The following WNT2 variants were observed in gnomAD, a reference collection of about 807,000 sequenced individuals.
WNT2 encodes the protein Wnt family member 2, also known as protein Wnt-2.
WNT2 carries 12 observed loss-of-function variants against 36.9 expected under a neutral mutation model. The ratio of observed to expected loss-of-function variants is 0.33; its 90% CI spans 0.21 to 0.53. WNT2 has a LOEUF of 0.53. WNT2 is among the 20% of genes least tolerant of loss of function. The pLI, the probability that WNT2 is intolerant of heterozygous loss-of-function variation, is 0.95. For synonymous variants in WNT2, 163 were observed against 174.6 expected (o/e 0.93, Z 0.52); for missense variants, 379 against 473.1 (o/e 0.80, Z 1.84).
chr7:117,303,265 A>C (rs905100008), intron 3 of WNT2, among the ~76,000 whole-genome samples: 1 of 152,202 alleles, frequency 6.6e-6, no homozygotes, highest in African/African-American at 2.4e-5. Context: ...AGCGGTGAAG[A>C]ATTCCTGCGG....
chr7:117,312,820 T>G (rs1466338219), intron 3 of WNT2, among the ~76,000 whole-genome samples: 1 of 152,280 alleles, frequency 6.6e-6, no homozygotes, highest in East Asian at 1.9e-4. Flanking sequence ...ATAAATAAAT[T>G]GTTCAAATAT....
At chr7:117,310,635 A>AT (rs1324542764) in intron 3 of WNT2, among the ~76,000 whole-genome samples, 1 of 151,640 alleles carries the variant, frequency 6.6e-6, no homozygotes, top group East Asian at 1.9e-4. Flanking sequence ...TGGGACTCAA[A>AT]TTTCAAATTT....
chr7:117,285,449 CT>C (rs1270319823), intron 4 of WNT2, among the ~76,000 whole-genome samples: 1 of 152,184 alleles, frequency 6.6e-6, no homozygotes, highest in African/African-American at 2.4e-5. Context: ...CAATTTGTAT[CT>C]CATCAAGAAT....
In WNT2 at chr7:117,315,239, C is replaced by T. The variant is rs1183490407; in HGVS notation, c.420G>A (p.Lys140=). Residue 140 remains lysine, a synonymous_variant, in exon 3 of 5, where the codon AAG becomes AAA. Transcript: ENST00000265441. ...GEVKSCSCDP[K]KMGSAKDSKG... ...TGCTGTCCTTGGCGCTTCCCATCTTCTTTGGATCACAGGAACAGGATTTTA... is the reference window on the plus strand; with the variant it reads ...TGCTGTCCTTGGCGCTTCCCATCTTTTTTGGATCACAGGAACAGGATTTTA... 8 of 1,614,068 alleles carry T rather than the reference C, an allele frequency of 5.0e-6. No homozygotes were observed. The African/African-American group carries it at 1.1e-4, about 22-fold the overall frequency.
Position 117,297,628 on chromosome 7 carries a change from G to C in WNT2, c.837C>G (p.Ile279Met). ...VYFENSPDYC[I>M]RDREAGSLGT... is the part of the protein sequence containing the mutation. ...TGAACTTACCTGCCTCTCGGTCCCT[G>C]ATACAGTAGTCTGGAGAATTCTCAA... is the stretch of plus-strand genomic sequence containing the variant. The change falls in exon 4 of 5, where the codon ATC becomes ATG. Residue 279 changes from isoleucine (I) to methionine (M), a missense_variant. Transcript: ENST00000265441. The C allele has an allele frequency of 5.0e-6, 8 of 1,611,284 alleles. No individual in the cohort carries two copies. The highest frequency in any genetic ancestry group is 6.8e-6 in the Non-Finnish European group (8 of 1,177,550).
chr7:117,304,018 T>A (rs1401402136), intron 3 of WNT2, among the ~76,000 whole-genome samples: 1 of 152,238 alleles, frequency 6.6e-6, no homozygotes, highest in Admixed American at 6.5e-5. Flanking sequence ...ACACGCTGTA[T>A]CCTAGATGCC....
rs918968690 is a variant in WNT2 at position 117,284,215 on chromosome 7, G to A, written c.854-5831C>T. On this transcript the variant is annotated intron_variant, in intron 4 of 4. Transcript: ENST00000265441. This position sits in a 1 kb window ranked among gnomAD's most constrained non-coding sequence, Gnocchi z 5.2. ...CAGAGTGCAGAATCTATACAAAATC[G>A]CTGGCATTACTTTCCCCTTAATGAA... Among the ~76,000 whole-genome samples, 62 of 152,198 alleles carry A rather than the reference G, an allele frequency of 4.1e-4. No homozygotes were observed. Among genetic ancestry groups the A allele is most frequent in the African/African-American group, 1.4e-3 (57 of 41,538 alleles).
intron 2 of WNT2, among the ~76,000 whole-genome samples, chr7:117,320,009 A>T (rs969416486): frequency 2.0e-5 from 3 of 152,202 alleles, no homozygotes; most frequent in African/African-American, 7.2e-5. Flanking sequence ...AGAATTTACA[A>T]TCTGTTGGGA....
At chr7:117,305,982 A>C (rs1795007380) in intron 3 of WNT2, among the ~76,000 whole-genome samples, 1 of 152,268 alleles carries the variant, frequency 6.6e-6, no homozygotes, top group African/African-American at 2.4e-5. Flanking sequence ...CCCAATTTTC[A>C]GGCCTATGTT....
At position 117,315,127 on chromosome 7, in the gene WNT2, T is replaced by C. The variant is rs1340260783; in HGVS notation, c.532A>G (p.Lys178Glu). 6.2e-7 allele frequency: 1 copy of C among 1,614,222 alleles called. No homozygotes were observed. The highest frequency in any genetic ancestry group is 2.2e-5 in the East Asian group (1 of 44,886). ...ARAFVDAKER[K>E]GKDARALMNL... ...ATCAGGGCTCTGGCATCCTTTCCTT[T>C]CCTTTCCTTTGCATCCACAAATGCG... The change falls in exon 3 of 5, where the codon AAA becomes GAA. Residue 178 changes from lysine (K) to glutamate (E), a missense_variant. By Grantham distance (56) the Lys-to-Glu change is moderately conservative (BLOSUM62 1). Coordinates refer to ENST00000265441, the MANE Select transcript of WNT2 (RefSeq NM_003391.3).
chr7:117,296,758 T>A (rs139264889), intron 4 of WNT2, among the ~76,000 whole-genome samples: 2 of 152,246 alleles, frequency 1.3e-5, no homozygotes, highest in African/African-American at 4.8e-5. Flanking sequence ...CTGACAGAGC[T>A]GTTCTTTGAG....
At chr7:117,297,992 A>C in intron 3 of WNT2, 116 bp from the exon 4 acceptor site, 6 of 1,363,766 alleles carry the variant, frequency 4.4e-6, no homozygotes, top group Non-Finnish European at 5.9e-6. Context: ...TCCTGGGGCA[A>C]GTGACTGGGA....
At chr7:117,314,012 T>C (rs1172717246) in intron 3 of WNT2, among the ~76,000 whole-genome samples, 1 of 152,248 alleles carries the variant, frequency 6.6e-6, no homozygotes, top group African/African-American at 2.4e-5. Flanking sequence ...TCCATTCTTT[T>C]CTATTATTTT....
intron 3 of WNT2, among the ~76,000 whole-genome samples, chr7:117,311,373 T>C (rs948604753): frequency 6.6e-6 from 1 of 152,130 alleles, no homozygotes; most frequent in African/African-American, 2.4e-5. Context: ...AAAAGCAATA[T>C]GGAAATGTAG....
chr7:117,286,558 G>A (rs1794583523), intron 4 of WNT2, among the ~76,000 whole-genome samples: 1 of 152,040 alleles, frequency 6.6e-6, no homozygotes, highest in Non-Finnish European at 1.5e-5. Flanking sequence ...AGGCCCATAT[G>A]TTGACTATTA....
chr7:117,278,978 G>T (rs1039519983), intron 4 of WNT2, among the ~76,000 whole-genome samples: 1 of 152,156 alleles, frequency 6.6e-6, no homozygotes, highest in Non-Finnish European at 1.5e-5. Context: ...GCCCCACCAG[G>T]TTTATCATAT....
intron 3 of WNT2, among the ~76,000 whole-genome samples, chr7:117,308,246 T>C (rs1369501878): frequency 6.6e-6 from 1 of 152,180 alleles, no homozygotes; most frequent in African/African-American, 2.4e-5. Context: ...ACTTAAGACA[T>C]TGTGATTTCT....
At chr7:117,315,645 C>T (rs739517) in intron 2 of WNT2, among the ~76,000 whole-genome samples, 16,705 of 152,222 alleles carry the variant, frequency 0.11, 1,431 homozygotes, top group East Asian at 0.41. Flanking sequence ...TAGTCTCAAA[C>T]ACAGGCTTGC....
intron 3 of WNT2, among the ~76,000 whole-genome samples, chr7:117,311,337 T>C (rs183321556): frequency 7.0e-4 from 107 of 152,304 alleles, no homozygotes; most frequent in Non-Finnish European, 1.2e-3. Flanking sequence ...ATAGAAATAT[T>C]GTTTCTTTTC....
Sources: allele counts gnomAD v4.1 joint callset (sites outside exome capture counted in the v4.1 genomes callset), GRCh38; gene constraint gnomAD v4.1.1; non-coding constraint Gnocchi (gnomAD v3.1); transcripts MANE v1.5; gene names NCBI Gene and HGNC (gene_info 2026-07-23, HGNC 2026-07-21).